The following SLC9A5 variants were observed in gnomAD, a reference collection of about 807,000 sequenced individuals.
SLC9A5 encodes the protein sodium/hydrogen exchanger 5.
In SLC9A5, 52 loss-of-function variants were observed where a neutral mutation model predicts 91.7. That is an observed-to-expected ratio of 0.57 (90% CI 0.45 to 0.71). SLC9A5 has a LOEUF of 0.71. Among genes scored for constraint, SLC9A5 ranks in the 30% least tolerant of loss-of-function variants. SLC9A5 has a pLI of 0.00. For synonymous variants in SLC9A5, 419 were observed against 474.5 expected (o/e 0.88, Z 1.52); for missense variants, 871 against 1,158.9 (o/e 0.75, Z 3.61).
Position 67,266,289 on chromosome 16 carries a change from T to C in SLC9A5, c.2218+64T>C, listed in dbSNP as rs556958130. 12 of 1,471,958 alleles carry C rather than the reference T, an allele frequency of 8.2e-6. No individual in the cohort carries two copies. The East Asian group carries it at 2.5e-4, about 30-fold the overall frequency. 91.2% of individuals were successfully genotyped at this position (1,471,958 alleles called of 1,614,324 possible). A position where few individuals can be genotyped will look rare whatever the true frequency, so the allele number is the denominator to read the frequency against. ...AGCTGGTTTCCTCTCTCTTCACTCATGGCCTCTACTCCAGACAACTCCCTT... is the reference window on the plus strand; with the variant it reads ...AGCTGGTTTCCTCTCTCTTCACTCACGGCCTCTACTCCAGACAACTCCCTT... On this transcript the variant is annotated intron_variant, in intron 15 of 15. Coordinates refer to ENST00000299798, the MANE Select transcript of SLC9A5 (RefSeq NM_004594.3).
Position 67,255,540 on chromosome 16 carries a change from C to A in SLC9A5, c.733+69C>A, listed in dbSNP as rs565678773. 7.5e-5 allele frequency: 111 copies of A among 1,484,372 alleles called. 2 individuals are homozygous for A. The South Asian group carries it at 1.2e-3, about 16-fold the overall frequency. The allele number at this position is 1,484,372 out of a possible 1,614,324, so 92.0% of individuals were successfully genotyped here. A position where few individuals can be genotyped will look rare whatever the true frequency, so the allele number is the denominator to read the frequency against. ...CCCTGGGTTGCTGAGGCCCTCCCAC[C>A]CCGCATCAGGACAGAAGAGGCTATT... On this transcript the variant is annotated intron_variant, in intron 4 of 15. Coordinates refer to ENST00000299798, the MANE Select transcript of SLC9A5 (RefSeq NM_004594.3). The surrounding 1 kb of genome is among the most constrained non-coding windows in gnomAD (Gnocchi z 4.9).
Position 67,259,858 on chromosome 16 carries a change from T to C in SLC9A5, c.1754T>C (p.Val585Ala). The change falls in exon 12 of 16, where the codon GTG becomes GCG. Residue 585 changes from valine (V) to alanine (A), a missense_variant. By Grantham distance (64) the Val-to-Ala change is moderately conservative. This residue lies in a region of SLC9A5 where 454 missense variants were observed against 718.3 expected (regional missense o/e 0.63). Transcript: ENST00000299798. ...SGSGACLDLQVIDTVRSGRDR... is the reference protein window; with the variant it reads ...SGSGACLDLQAIDTVRSGRDR... Reference sequence around the variant, plus strand: ...AGTGGAGCGTGTCTGGATCTGCAGGTGATTGACACAGTACGCAGCGGCCGG... The same window carrying C: ...AGTGGAGCGTGTCTGGATCTGCAGGCGATTGACACAGTACGCAGCGGCCGG... The C allele has an allele frequency of 6.2e-7, 1 of 1,614,002 alleles. No individual in the cohort carries two copies. Among genetic ancestry groups the C allele is most frequent in the Non-Finnish European group, 8.5e-7 (1 of 1,180,010 alleles).
Position 67,258,365 on chromosome 16 carries a change from G to A in SLC9A5, c.1544G>A (p.Arg515Gln), listed in dbSNP as rs770275880. ...KKYLSQLLMR[R>Q]SAYRIRDQIW... ...TACCTGAGTCAGCTGCTGATGCGAC[G>A]ATCAGCCTACCGCATCCGGGACCAG... Residue 515 changes from arginine (R) to glutamine (Q), a missense_variant, in exon 10 of 16, where the codon CGA (arginine) becomes CAA (glutamine). Arg to Gln is a conservative substitution (Grantham distance 43). Transcript: ENST00000299798. This position sits in a 1 kb window ranked among gnomAD's most constrained non-coding sequence, Gnocchi z 4.5. The A allele has an allele frequency of 1.2e-5, 19 of 1,613,996 alleles. No individual in the cohort carries two copies. The highest frequency in any genetic ancestry group is 1.4e-5 in the Non-Finnish European group (17 of 1,179,870).
At chr16:67,264,544 C>T in intron 13 of SLC9A5, 22 bp downstream of exon 13, 1 of 1,612,580 alleles carries the variant, frequency 6.2e-7, no homozygotes, top group South Asian at 1.1e-5. Flanking sequence ...CTCAGGGACT[C>T]CTCTTGGGAG....
Position 67,259,910 on chromosome 16 carries a change from T to C in SLC9A5, c.1806T>C (p.His602=), listed in dbSNP as rs1455603747. 6.2e-7 allele frequency: 1 copy of C among 1,614,054 alleles called. No individual in the cohort carries two copies. The highest frequency in any genetic ancestry group is 2.2e-5 in the East Asian group (1 of 44,874). Residue 602 remains histidine (H), a synonymous_variant, in exon 12 of 16, where the codon CAT becomes CAC. Transcript: ENST00000299798. ...ATCGTGAGGATGCTGTGATGCATCATCTGCTCTGCGGAGGCCTCTACAAGC... is the reference window on the plus strand; with the variant it reads ...ATCGTGAGGATGCTGTGATGCATCACCTGCTCTGCGGAGGCCTCTACAAGC... ...GRDREDAVMH[H]LLCGGLYKPR...
Position 67,255,919 on chromosome 16 carries a change from CGCCATTCTT to C in SLC9A5, c.903_911del (p.Ile302_Ala304del). Reference sequence around the variant, plus strand: ...TCACTGCTGAAATGGCCTCGCTCTCCGCCATTCTTGCGTGAGTTCTGGGGGCCTTGCAGG... The same window carrying C: ...TCACTGCTGAAATGGCCTCGCTCTCCGCGTGAGTTCTGGGGGCCTTGCAGG... On this transcript the variant is annotated inframe_deletion and splice_region_variant, in exon 5 of 16. Transcript: ENST00000299798. This position sits in a 1 kb window ranked among gnomAD's most constrained non-coding sequence, Gnocchi z 4.9. 6 of 1,613,358 alleles carry C rather than the reference CGCCATTCTT, an allele frequency of 3.7e-6. No individual in the cohort carries two copies. Among genetic ancestry groups the C allele is most frequent in the Non-Finnish European group, 5.1e-6 (6 of 1,179,798 alleles).
chr16:67,255,425 G>T lies in SLC9A5; in HGVS notation c.687G>T (p.Glu229Asp). 6.2e-7 allele frequency: 1 copy of T among 1,614,108 alleles called. No homozygotes were observed. The change falls in exon 4 of 16, where the codon GAG (glutamate) becomes GAT (aspartate). Residue 229 changes from glutamate to aspartate, a missense_variant. Physicochemically the swap from Glu to Asp is conservative, Grantham distance 45 (BLOSUM62 2). Around this residue, in one of 3 missense-constraint regions of SLC9A5, gnomAD observed 454 missense variants for 718.3 expected, o/e 0.63. Coordinates refer to ENST00000299798, the MANE Select transcript of SLC9A5 (RefSeq NM_004594.3). The surrounding 1 kb of genome is among the most constrained non-coding windows in gnomAD (Gnocchi z 4.9). ...ACAAGGTCTGCAACTCCTTTGTGGA[G>T]ATGGGCTCTGCCAATGTGCAGGCCA... ...VLYKVCNSFV[E>D]MGSANVQATD...
At chr16:67,263,247 G>A (rs917504146) in intron 12 of SLC9A5, 1 of 152,254 alleles carries the variant, frequency 6.6e-6, no homozygotes, top group Non-Finnish European at 1.5e-5. Flanking sequence ...GTACCTCCTG[G>A]TGCATAGGTA....
At chr16:67,254,486 T>A (rs555631073) in intron 2 of SLC9A5, among the ~76,000 whole-genome samples, 1 of 152,334 alleles carries the variant, frequency 6.6e-6, no homozygotes, top group East Asian at 1.9e-4. Context: ...GGCCTCCGCC[T>A]CCCTGGTTCA....
chr16:67,266,807 C>G (rs1302788166), intron 15 of SLC9A5, among the ~76,000 whole-genome samples: 1 of 149,710 alleles, frequency 6.7e-6, no homozygotes, highest in Non-Finnish European at 1.5e-5. Flanking sequence ...TCCCAAAGTG[C>G]TGGGATTACA....
Position 67,256,519 on chromosome 16 carries a change from C to A in SLC9A5, c.962C>A (p.Ser321Tyr). The A allele has an allele frequency of 6.2e-7, 1 of 1,613,700 alleles. No homozygotes were observed. Among genetic ancestry groups the A allele is most frequent in the Non-Finnish European group, 8.5e-7 (1 of 1,180,002 alleles). Reference protein sequence around the residue: ...GCKKYVEANISHKSRTTVKYT... With the variant: ...GCKKYVEANIYHKSRTTVKYT... ...AAGAAGTACGTGGAGGCCAACATCT[C>A]CCATAAGTCACGCACAACTGTCAAA... The change falls in exon 6 of 16, where the codon TCC (serine) becomes TAC (tyrosine). Residue 321 changes from serine to tyrosine, a missense_variant. Physicochemically the swap from Ser to Tyr is moderately radical, Grantham distance 144 (BLOSUM62 -2). Coordinates refer to ENST00000299798, the MANE Select transcript of SLC9A5 (RefSeq NM_004594.3). This position sits in a 1 kb window ranked among gnomAD's most constrained non-coding sequence, Gnocchi z 4.1.
Position 67,255,232 on chromosome 16 carries a change from T to G in SLC9A5, c.654+48T>G. On this transcript the variant is annotated intron_variant, in intron 3 of 15. Coordinates refer to ENST00000299798, the MANE Select transcript of SLC9A5 (RefSeq NM_004594.3). This position sits in a 1 kb window ranked among gnomAD's most constrained non-coding sequence, Gnocchi z 4.9. ...CATTCCCTGACCCCAGGCTGCATGCTCTGACCAACTAGGGGTCTGCGCAGA... is the reference window on the plus strand; with the variant it reads ...CATTCCCTGACCCCAGGCTGCATGCGCTGACCAACTAGGGGTCTGCGCAGA... The G allele has an allele frequency of 6.3e-7, 1 of 1,593,524 alleles. No individual in the cohort carries two copies. Among genetic ancestry groups the G allele is most frequent in the Non-Finnish European group, 8.6e-7 (1 of 1,166,480 alleles).
At position 67,270,910 on chromosome 16, in the gene SLC9A5, C is replaced by T; in HGVS notation, c.2391C>T (p.Ser797=). ...MQTGWNQSIS[S]LESLASPPCN... is the part of the protein sequence containing the mutation. Reference sequence around the variant, plus strand: ...CGGGTTGGAACCAGAGCATCTCATCCCTGGAGAGCCTAGCGTCCCCTCCCT... The same window carrying T: ...CGGGTTGGAACCAGAGCATCTCATCTCTGGAGAGCCTAGCGTCCCCTCCCT... The change falls in exon 16 of 16, where the codon TCC becomes TCT. Residue 797 remains serine, a synonymous_variant. Transcript: ENST00000299798. The surrounding 1 kb of genome is among the most constrained non-coding windows in gnomAD (Gnocchi z 4.3). 1 of 1,614,122 alleles carries T rather than the reference C, an allele frequency of 6.2e-7. No homozygotes were observed. The highest frequency in any genetic ancestry group is 8.5e-7 in the Non-Finnish European group (1 of 1,180,026).
rs368981867 is a variant in SLC9A5, at chr16:67,270,826, G to T, written c.2307G>T (p.Gly769=). 1.1e-5 allele frequency: 17 copies of T among 1,614,116 alleles called. No homozygotes were observed. In the African/African-American group the frequency reaches 2.1e-4, roughly 20 times the overall value. The change falls in exon 16 of 16, where the codon GGG becomes GGT. Residue 769 remains glycine (G), a synonymous_variant. Transcript: ENST00000299798. The surrounding 1 kb of genome is among the most constrained non-coding windows in gnomAD (Gnocchi z 4.3). ...EKELPWKSGQ[G]DLAVYVSSET... is the part of the protein sequence containing the mutation. ...AGCTCCCCTGGAAGAGTGGGCAGGG[G>T]GACCTGGCAGTGTACGTGTCCTCGG...
At chr16:67,260,634 G>A (rs977129749) in intron 12 of SLC9A5, among the ~76,000 whole-genome samples, 1 of 152,168 alleles carries the variant, frequency 6.6e-6, no homozygotes, top group Non-Finnish European at 1.5e-5. Flanking sequence ...GGTGAGAGGA[G>A]GAGGAGACAG....
intron 15 of SLC9A5, among the ~76,000 whole-genome samples, chr16:67,268,495 G>C (rs947264881): frequency 6.7e-6 from 1 of 149,604 alleles, no homozygotes; most frequent in African/African-American, 2.5e-5. Flanking sequence ...CCAGGAGGCT[G>C]AGGCTGCAGT....
In SLC9A5 at chr16:67,257,353, C is replaced by T; in HGVS notation, c.1344C>T (p.Thr448=). The part of the protein sequence containing the change: ...VFFTVIVQGL[T]IKPLVKWLKV... ...CTCCTGCCTGTCCATAGGGCTTGAC[C>T]ATCAAGCCACTGGTCAAATGGCTGA... The change falls in exon 8 of 16, where the codon ACC becomes ACT. Residue 448 remains threonine, a synonymous_variant. Coordinates refer to ENST00000299798, the MANE Select transcript of SLC9A5 (RefSeq NM_004594.3). The surrounding 1 kb of genome is among the most constrained non-coding windows in gnomAD (Gnocchi z 5.1). 6.2e-7 allele frequency: 1 copy of T among 1,613,622 alleles called. No individual in the cohort carries two copies. Among genetic ancestry groups the T allele is most frequent in the Non-Finnish European group, 8.5e-7 (1 of 1,179,506 alleles).
At chr16:67,253,513 T>A in intron 2 of SLC9A5, among the ~76,000 whole-genome samples, 1 of 151,956 alleles carries the variant, frequency 6.6e-6, no homozygotes, top group Non-Finnish European at 1.5e-5. Flanking sequence ...GAGGTCCGTG[T>A]TTGTTGTTGT....
At chr16:67,260,101 C>A (rs969683313) in intron 12 of SLC9A5, among the ~76,000 whole-genome samples, 155 bp downstream of exon 12, 4 of 151,868 alleles carry the variant, frequency 2.6e-5, no homozygotes, top group Admixed American at 1.3e-4. Flanking sequence ...GTAATCTCAG[C>A]ACTTTGGGAG....
Sources: gnomAD v4.1 joint callset for allele counts (sites outside exome capture counted in the v4.1 genomes callset) on GRCh38, gnomAD v4.1.1 for gene constraint, gnomAD v4.1.1 regional missense constraint, Gnocchi (gnomAD v3.1) non-coding constraint, MANE v1.5 for transcripts, NCBI Gene and HGNC (gene_info 2026-07-23, HGNC 2026-07-21) for gene names.